TNMD: variants seen among roughly 807,000 people sequenced by gnomAD.
TNMD encodes BRICHOS domain containing 4.
In TNMD, 15 loss-of-function variants were observed where a neutral mutation model predicts 26.9. The observed-to-expected ratio is 0.56, with a 90% CI of 0.37 to 0.86. TNMD has a LOEUF of 0.86. TNMD is among the 40% of genes least tolerant of loss of function. TNMD has a pLI of 0.00. For missense variants in TNMD, 222 were observed against 242.6 expected (o/e 0.92, Z 0.56); for synonymous variants, 73 against 77.0 (o/e 0.95, Z 0.27).
At chrX:100,594,900 G>A (rs906251137) in intron 4 of TNMD, among the ~76,000 whole-genome samples, 1 of 111,885 alleles carries the variant, frequency 8.9e-6, no homozygotes, top group Non-Finnish European at 1.9e-5. Flanking sequence ...AGTAGGAAAG[G>A]CAAAAGCAAA....
chrX:100,594,826 T>A (rs1366680759), intron 4 of TNMD, among the ~76,000 whole-genome samples: 1 of 112,163 alleles, frequency 8.9e-6, no homozygotes, highest in African/African-American at 3.2e-5. Flanking sequence ...ATTTTAAAGA[T>A]TGTGGTTCAT....
At chrX:100,594,394 G>T (rs780278501) in intron 4 of TNMD, 32 bp downstream of exon 4, 4 of 966,169 alleles carry the variant, frequency 4.1e-6, no homozygotes, top group Non-Finnish European at 5.8e-6. Flanking sequence ...GGTGGCAAAA[G>T]ACATCATTTA....
chrX:100,588,908 G>A (rs1171821346), intron 2 of TNMD, among the ~76,000 whole-genome samples: 2 of 111,045 alleles, frequency 1.8e-5, no homozygotes, highest in Non-Finnish European at 3.8e-5. Context: ...GATTCGTGAG[G>A]ATGTTCCTTC....
At chrX:100,585,875 C>G (rs189377482) in intron 2 of TNMD, among the ~76,000 whole-genome samples, 35 of 112,475 alleles carry the variant, frequency 3.1e-4, no homozygotes, top group African/African-American at 1.1e-3. Flanking sequence ...TTATTTATGA[C>G]TTTAAAAAGA....
In TNMD at chrX:100,584,984, C is replaced by G. The variant is rs765756778; in HGVS notation, c.-35C>G. On this transcript the variant is annotated 5_prime_UTR_variant, in exon 1 of 7. Coordinates refer to ENST00000373031, the MANE Select transcript of TNMD (RefSeq NM_022144.3). ...CTCAGCAGTGGTCTCTCAGTCCTCT[C>G]AAAGCAAGGAAAGAGTACTGTGTGC... 2.5e-6 allele frequency: 3 copies of G among 1,193,944 alleles called. No individual in the cohort carries two copies. The East Asian group carries it at 8.9e-5, about 35-fold the overall frequency.
At position 100,593,991 on chromosome X, in the gene TNMD, G is replaced by A. The variant is rs1569343128; in HGVS notation, c.277G>A (p.Gly93Arg). Reference sequence around the variant, plus strand: ...GACCAGAACTGAAATATTCAGAAGCGGAAATGGCACTGATGAAACATTGGA... The same window carrying A: ...GACCAGAACTGAAATATTCAGAAGCAGAAATGGCACTGATGAAACATTGGA... The part of the protein sequence containing the change: ...PVTRTEIFRS[G>R]NGTDETLEVH... Residue 93 changes from glycine to arginine, a missense_variant, in exon 3 of 7, where the codon GGA (glycine) becomes AGA (arginine). Coordinates refer to ENST00000373031, the MANE Select transcript of TNMD (RefSeq NM_022144.3). 3 of 1,210,320 alleles carry A rather than the reference G, an allele frequency of 2.5e-6. No individual in the cohort carries two copies. Among genetic ancestry groups the A allele is most frequent in the African/African-American group, 3.5e-5 (2 of 57,615 alleles).
rs1217451022 is a variant in TNMD at position 100,594,019 on chromosome X, T to C, written c.305T>C (p.Val102Ala). The change falls in exon 3 of 7, where the codon GTG becomes GCG. Residue 102 changes from valine (V) to alanine (A), a missense_variant. Physicochemically the swap from Val to Ala is moderately conservative, Grantham distance 64. Coordinates refer to ENST00000373031, the MANE Select transcript of TNMD (RefSeq NM_022144.3). Reference protein sequence around the residue: ...SGNGTDETLEVHDFKNGYTGI... With the variant: ...SGNGTDETLEAHDFKNGYTGI... ...AATGGCACTGATGAAACATTGGAAGTGCACGACTTTAAAAACGTAAGTTGG... is the reference window on the plus strand; with the variant it reads ...AATGGCACTGATGAAACATTGGAAGCGCACGACTTTAAAAACGTAAGTTGG... 1.7e-6 allele frequency: 2 copies of C among 1,207,548 alleles called. No homozygotes were observed. The highest frequency in any genetic ancestry group is 2.2e-6 in the Non-Finnish European group (2 of 894,096).
In TNMD at chrX:100,599,828, A is replaced by G; in HGVS notation, c.*111A>G. ...TGGCCCCTGGTAGCCAGCTCTCCAGAATTACTTGTAGGTAATTCCTCTCTT... is the reference window on the plus strand; with the variant it reads ...TGGCCCCTGGTAGCCAGCTCTCCAGGATTACTTGTAGGTAATTCCTCTCTT... On this transcript the variant is annotated 3_prime_UTR_variant, in exon 7 of 7. Coordinates refer to ENST00000373031, the MANE Select transcript of TNMD (RefSeq NM_022144.3). 1.5e-6 allele frequency: 1 copy of G among 650,306 alleles called. No individual in the cohort carries two copies. Among genetic ancestry groups the G allele is most frequent in the South Asian group, 2.8e-5 (1 of 36,342 alleles). 53.6% of individuals were successfully genotyped at this position (650,306 alleles called of 1,213,427 possible).
intron 2 of TNMD, among the ~76,000 whole-genome samples, chrX:100,589,211 G>A (rs192490170): frequency 9.0e-6 from 1 of 110,712 alleles, no homozygotes; most frequent in African/African-American, 3.3e-5. Context: ...TTTTCTCCAG[G>A]TCCCCTGGGC....
chrX:100,585,173 A>ATGGCT, intron 1 of TNMD, 58 bp from the exon 2 acceptor site: 1 of 1,188,798 alleles, frequency 8.4e-7, no homozygotes, highest in Admixed American at 2.2e-5. Context: ...ACTTTGAATT[A>ATGGCT]TGGCTTGCTT....
intron 2 of TNMD, among the ~76,000 whole-genome samples, chrX:100,588,283 C>T (rs187349541): frequency 3.7e-3 from 407 of 110,653 alleles, no homozygotes; most frequent in African/African-American, 0.013. Flanking sequence ...GGTGTGCACA[C>T]GCACAGACTC....
Position 100,597,676 on chromosome X carries a change from C to T in TNMD, c.577+19C>T. ...ATATCAGGTATGACATTCTTATCCT[C>T]ATCCTCCTCCTATTTTCTAAGACAG... On this transcript the variant is annotated intron_variant, in intron 5 of 6. Coordinates refer to ENST00000373031, the MANE Select transcript of TNMD (RefSeq NM_022144.3). 8.4e-7 allele frequency: 1 copy of T among 1,185,549 alleles called. No homozygotes were observed. Among genetic ancestry groups the T allele is most frequent in the Non-Finnish European group, 1.1e-6 (1 of 871,946 alleles).
At chrX:100,598,922 G>T in intron 5 of TNMD, 94 bp from the exon 6 acceptor site, 2 of 741,293 alleles carry the variant, frequency 2.7e-6, no homozygotes, top group Non-Finnish European at 1.9e-6. Flanking sequence ...AAGACACAAT[G>T]AAAATCTCTA....
chrX:100,590,194 T>C (rs914123381), intron 2 of TNMD, among the ~76,000 whole-genome samples: 1 of 111,887 alleles, frequency 8.9e-6, no homozygotes, highest in Non-Finnish European at 1.9e-5. Context: ...TCTCTTCCCT[T>C]CCTTCCAGCC....
intron 4 of TNMD, among the ~76,000 whole-genome samples, chrX:100,594,951 A>G (rs2082948616): frequency 8.9e-6 from 1 of 111,907 alleles, no homozygotes; most frequent in Admixed American, 9.4e-5. Flanking sequence ...CTCTGAAAAC[A>G]CCCTGCTAGA....
intron 2 of TNMD, among the ~76,000 whole-genome samples, chrX:100,588,718 T>C (rs2082929021): frequency 2.7e-5 from 3 of 112,105 alleles, no homozygotes; most frequent in Admixed American, 9.5e-5. Flanking sequence ...ATCCTAGCCC[T>C]TAAACCAACA....
intron 2 of TNMD, among the ~76,000 whole-genome samples, chrX:100,589,240 G>T (rs1053484275): frequency 9.1e-6 from 1 of 110,319 alleles, no homozygotes; most frequent in Admixed American, 9.6e-5. Flanking sequence ...ACCACAGTCC[G>T]GTGGGTGAAA....
intron 2 of TNMD, among the ~76,000 whole-genome samples, chrX:100,589,169 G>A (rs978357964): frequency 9.1e-6 from 1 of 110,400 alleles, no homozygotes; most frequent in African/African-American, 3.3e-5. Context: ...AACTTTTTTC[G>A]CTCCTCTCTA....
intron 2 of TNMD, 136 bp downstream of exon 2, chrX:100,585,498 G>T: frequency 1.3e-6 from 1 of 746,353 alleles, no homozygotes; most frequent in Non-Finnish European, 1.8e-6. Context: ...ATGAAAAACT[G>T]AATCAAGATT....
Sources: allele counts gnomAD v4.1 joint callset (sites outside exome capture counted in the v4.1 genomes callset), GRCh38; gene constraint gnomAD v4.1.1; transcripts MANE v1.5; gene names NCBI Gene and HGNC (gene_info 2026-07-23, HGNC 2026-07-21).